The following CSNK1G1 variants were observed in gnomAD, a reference collection of about 807,000 sequenced individuals.
CSNK1G1 encodes casein kinase 1 gamma 1, also known as casein kinase I isoform gamma-1.
Under a neutral mutation model 59.6 loss-of-function variants are expected in CSNK1G1, and 22 were observed. The observed-to-expected ratio is 0.37, with a 90% CI of 0.26 to 0.53. The LOEUF (loss-of-function observed/expected upper bound fraction) is 0.53. Among genes scored for constraint, CSNK1G1 ranks in the 20% least tolerant of loss-of-function variants. The pLI, the probability that CSNK1G1 is intolerant of heterozygous loss-of-function variation, is 0.89. For missense variants in CSNK1G1, 384 were observed against 519.5 expected, an observed-to-expected ratio of 0.74 and a Z score of 2.54; for synonymous variants, 179 against 177.1, an observed-to-expected ratio of 1.01 and a Z score of -0.08.
intron 6 of CSNK1G1, among the ~76,000 whole-genome samples, chr15:64,212,158 G>A (rs1399514474): frequency 6.6e-6 from 1 of 152,180 alleles, no homozygotes; most frequent in African/African-American, 2.4e-5. Flanking sequence ...GTGAGATTAA[G>A]TAACTTGTCC....
rs549570816 is a variant in CSNK1G1 at position 64,210,912 on chromosome 15, G to A, written c.679+2978C>T. On this transcript the variant is annotated intron_variant, in intron 6 of 11. Coordinates refer to ENST00000303052, the MANE Select transcript of CSNK1G1 (RefSeq NM_022048.5). The surrounding 1 kb of genome is among the most constrained non-coding windows in gnomAD (Gnocchi z 4.2). Reference sequence around the variant, plus strand: ...TAGGGATGAGTTCCCAAGAAAGCAGGTTGGTGAGAAGAGCCTAGCACCCCC... The same window carrying A: ...TAGGGATGAGTTCCCAAGAAAGCAGATTGGTGAGAAGAGCCTAGCACCCCC... Among the ~76,000 whole-genome samples, 15 of 152,232 alleles carry A rather than the reference G, an allele frequency of 9.9e-5. No individual in the cohort carries two copies. In the South Asian group the frequency reaches 1.9e-3, roughly 19 times the overall value.
At chr15:64,201,286 A>AAAAAG (rs2082103628) in intron 10 of CSNK1G1, among the ~76,000 whole-genome samples, 2 of 149,668 alleles carry the variant, frequency 1.3e-5, no homozygotes, top group African/African-American at 5.1e-5. Context: ...AAAAAAAAAA[A>AAAAAG]AAAAGAAAGA....
intron 1 of CSNK1G1, among the ~76,000 whole-genome samples, chr15:64,324,147 C>T (rs1896715060): frequency 6.6e-6 from 1 of 152,198 alleles, no homozygotes; most frequent in Non-Finnish European, 1.5e-5. Flanking sequence ...CTGACTTACA[C>T]TACTATGTAT....
intron 10 of CSNK1G1, among the ~76,000 whole-genome samples, chr15:64,187,060 A>G (rs1237597266): frequency 2.6e-5 from 4 of 151,836 alleles, no homozygotes; most frequent in South Asian, 2.1e-4. Context: ...TGACCTTGTG[A>G]TCTGCCCACC....
At chr15:64,294,618 A>C (rs907190363) in intron 2 of CSNK1G1, among the ~76,000 whole-genome samples, 2 of 152,234 alleles carry the variant, frequency 1.3e-5, no homozygotes, top group South Asian at 2.1e-4. Context: ...CATTTTAAAA[A>C]GATAGGGAAG....
At chr15:64,265,186 C>T (rs1016157284) in intron 2 of CSNK1G1, among the ~76,000 whole-genome samples, 2 of 152,088 alleles carry the variant, frequency 1.3e-5, no homozygotes, top group African/African-American at 4.8e-5. Flanking sequence ...AATTAACATA[C>T]AAAAATTAGT....
chr15:64,235,381 C>T (rs933651721), intron 4 of CSNK1G1, among the ~76,000 whole-genome samples: 2 of 152,104 alleles, frequency 1.3e-5, no homozygotes, highest in Non-Finnish European at 2.9e-5. Context: ...TGGAAAAGCA[C>T]CCAAACATGA....
intron 2 of CSNK1G1, among the ~76,000 whole-genome samples, chr15:64,274,715 G>C (rs925080368): frequency 2.6e-5 from 4 of 152,142 alleles, no homozygotes; most frequent in Non-Finnish European, 5.9e-5. Context: ...TCCTGTTTCT[G>C]TAAGTCACCT....
intron 1 of CSNK1G1, among the ~76,000 whole-genome samples, chr15:64,354,687 A>C (rs1351861238): frequency 2.6e-5 from 4 of 152,114 alleles, no homozygotes; most frequent in Non-Finnish European, 5.9e-5. Context: ...ACTGTGTATG[A>C]TTAATGGTAA....
At chr15:64,204,361 G>T in intron 9 of CSNK1G1, 80 bp downstream of exon 9, 2 of 1,138,996 alleles carry the variant, frequency 1.8e-6, no homozygotes, top group Non-Finnish European at 1.2e-6. Flanking sequence ...CAGAAAGACT[G>T]GCAAGTAAAG....
intron 1 of CSNK1G1, among the ~76,000 whole-genome samples, chr15:64,308,108 G>T (rs1045069998): frequency 6.6e-6 from 1 of 151,958 alleles, no homozygotes; most frequent in African/African-American, 2.4e-5. Context: ...TCCTTATAAC[G>T]TTGATCTCTG....
intron 2 of CSNK1G1, among the ~76,000 whole-genome samples, chr15:64,278,323 A>C (rs1893874670): frequency 6.7e-6 from 1 of 149,178 alleles, no homozygotes; most frequent in Non-Finnish European, 1.5e-5. Context: ...CCGGGATTGT[A>C]GGCGTGAGTC....
chr15:64,199,082 A>T (rs76733947), intron 10 of CSNK1G1, among the ~76,000 whole-genome samples: 6,373 of 145,376 alleles, frequency 0.044, 148 homozygotes, highest in South Asian at 0.079. Flanking sequence ...TCTACAGAAA[A>T]TACGAAAAAA....
At chr15:64,261,505 G>T (rs899143160) in intron 2 of CSNK1G1, among the ~76,000 whole-genome samples, 2 of 152,080 alleles carry the variant, frequency 1.3e-5, no homozygotes, top group Admixed American at 6.6e-5. Flanking sequence ...GCAGACTGAG[G>T]CAACAGAATC....
Position 64,166,021 on chromosome 15 carries a change from A to G in CSNK1G1, c.*5910T>C. 1.5e-6 allele frequency: 1 copy of G among 682,896 alleles called. No individual in the cohort carries two copies. The highest frequency in any genetic ancestry group is 2.7e-6 in the Non-Finnish European group (1 of 377,020). The allele number at this position is 682,896 out of a possible 1,614,324, so 42.3% of individuals were successfully genotyped here. ...GACATTCATGTTTAAAAATACTACA[A>G]ATTTCATTTTCACAGCTGAGCTTTG... On this transcript the variant is annotated 3_prime_UTR_variant, in exon 12 of 12. Transcript: ENST00000303052. This position sits in a 1 kb window ranked among gnomAD's most constrained non-coding sequence, Gnocchi z 4.5.
chr15:64,198,701 AAG>A (rs1276911969), intron 10 of CSNK1G1, among the ~76,000 whole-genome samples: 1 of 151,562 alleles, frequency 6.6e-6, no homozygotes, highest in Non-Finnish European at 1.5e-5. Context: ...TTAGAGTAAT[AAG>A]AGAGAGATTT....
intron 4 of CSNK1G1, among the ~76,000 whole-genome samples, chr15:64,223,848 T>C (rs933101088): frequency 8.5e-5 from 13 of 152,204 alleles, no homozygotes; most frequent in Non-Finnish European, 1.8e-4. Context: ...GCAATGAATG[T>C]AGAACACTAG....
intron 4 of CSNK1G1, among the ~76,000 whole-genome samples, chr15:64,226,718 G>A (rs2082467930): frequency 6.6e-6 from 1 of 152,080 alleles, no homozygotes; most frequent in South Asian, 2.1e-4. Flanking sequence ...TAGTTCCTGT[G>A]ATTTAAGATA....
At chr15:64,250,687 G>A (rs1892026649) in intron 4 of CSNK1G1, among the ~76,000 whole-genome samples, 2 of 152,124 alleles carry the variant, frequency 1.3e-5, no homozygotes, top group South Asian at 4.1e-4. Flanking sequence ...CCAGGCTGCA[G>A]TGAGCCGTGA....
Sources: gnomAD v4.1 joint callset for allele counts (sites outside exome capture counted in the v4.1 genomes callset) on GRCh38, gnomAD v4.1.1 for gene constraint, Gnocchi (gnomAD v3.1) non-coding constraint, MANE v1.5 for transcripts, NCBI Gene and HGNC (gene_info 2026-07-23, HGNC 2026-07-21) for gene names.